SCN4B: variants seen among roughly 807,000 people sequenced by gnomAD.
SCN4B encodes sodium voltage-gated channel beta subunit 4.
Under a neutral mutation model 19.6 loss-of-function variants are expected in SCN4B, and 20 were observed. That is an observed-to-expected ratio of 1.02 (90% CI 0.72 to 1.48). SCN4B has a LOEUF of 1.48. Among genes scored for constraint, SCN4B ranks in the 40% most tolerant of loss-of-function variants. The pLI is 0.00. For synonymous variants in SCN4B, 127 were observed against 122.8 expected (o/e 1.03, Z -0.22); for missense variants, 271 against 287.5 (o/e 0.94, Z 0.42).
At chr11:118,142,328 T>C (rs925777651) in intron 3 of SCN4B, among the ~76,000 whole-genome samples, 1 of 152,220 alleles carries the variant, frequency 6.6e-6, no homozygotes, top group Non-Finnish European at 1.5e-5. Flanking sequence ...CGCATCTGCC[T>C]CAAGGCCTTT....
Position 118,134,849 on chromosome 11 carries a change from A to C in SCN4B, c.*2178T>G, listed in dbSNP as rs1324226804. The C allele has an allele frequency of 2.2e-6, 1 of 454,130 alleles. No individual in the cohort carries two copies. The highest frequency in any genetic ancestry group is 1.6e-5 in the South Asian group (1 of 64,482). The allele number at this position is 454,130 out of a possible 1,614,324, so 28.1% of individuals were successfully genotyped here. On this transcript the variant is annotated 3_prime_UTR_variant, in exon 5 of 5. Coordinates refer to ENST00000324727, the MANE Select transcript of SCN4B (RefSeq NM_174934.4). Reference sequence around the variant, plus strand: ...GACAAAACTTGCCAAGCCTCACAACAGTCCTGTGAGGTAGGTAAGTATTAT... The same window carrying C: ...GACAAAACTTGCCAAGCCTCACAACCGTCCTGTGAGGTAGGTAAGTATTAT...
At chr11:118,141,629 C>T (rs1948100751) in intron 3 of SCN4B, 1 of 479,764 alleles carries the variant, frequency 2.1e-6, no homozygotes, top group South Asian at 2.3e-5. Flanking sequence ...GAGCCTATAA[C>T]ACTCAAGTTT....
In SCN4B at chr11:118,134,166, G is replaced by C. The variant is rs189421608; in HGVS notation, c.*2861C>G. 138 of 454,200 alleles carry C rather than the reference G, an allele frequency of 3.0e-4. No homozygotes were observed. Among genetic ancestry groups the C allele is most frequent in the African/African-American group, 2.5e-3 (125 of 50,124 alleles). The allele number at this position is 454,200 out of a possible 1,614,324, so 28.1% of individuals were successfully genotyped here. On this transcript the variant is annotated 3_prime_UTR_variant, in exon 5 of 5. Transcript: ENST00000324727. ...CCTCTCTAACATCAGGGGTTTATTC[G>C]GGCTGCCTTCTGTTCAATTACGACA...
intron 1 of SCN4B, among the ~76,000 whole-genome samples, chr11:118,151,840 C>T (rs1948235626): frequency 6.6e-6 from 1 of 152,222 alleles, no homozygotes; most frequent in Non-Finnish European, 1.5e-5. Flanking sequence ...TGGAGTTTGA[C>T]ACTCAAAACT....
chr11:118,136,315 AG>A lies in SCN4B; in HGVS notation c.*711del, dbSNP rs1242147723. 2.0e-5 allele frequency: 9 copies of A among 453,710 alleles called. No individual in the cohort carries two copies. The highest frequency in any genetic ancestry group is 3.5e-5 in the Non-Finnish European group (8 of 226,692). 28.1% of individuals were successfully genotyped at this position (453,710 alleles called of 1,614,324 possible). ...GGAAGGCTCGAGGGGCCCCTTCCTGAGCCCCTCAGTAACCCAGAGAGCAGAG... is the reference window on the plus strand; with the variant it reads ...GGAAGGCTCGAGGGGCCCCTTCCTGACCCCTCAGTAACCCAGAGAGCAGAG... On this transcript the variant is annotated 3_prime_UTR_variant, in exon 5 of 5. Coordinates refer to ENST00000324727, the MANE Select transcript of SCN4B (RefSeq NM_174934.4).
Position 118,134,711 on chromosome 11 carries a change from T to C in SCN4B, c.*2316A>G, listed in dbSNP as rs1308915358. ...AAGAGAGAGAGAGTGTGTGTGTCTG[T>C]ATGTGGGTTGTAGAGATGGGACACA... is the stretch of plus-strand genomic sequence containing the variant. On this transcript the variant is annotated 3_prime_UTR_variant, in exon 5 of 5. Coordinates refer to ENST00000324727, the MANE Select transcript of SCN4B (RefSeq NM_174934.4). 8.8e-6 allele frequency: 4 copies of C among 453,922 alleles called. No individual in the cohort carries two copies. Among genetic ancestry groups the C allele is most frequent in the South Asian group, 1.6e-5 (1 of 64,464 alleles). 28.1% of individuals were successfully genotyped at this position (453,922 alleles called of 1,614,324 possible).
intron 4 of SCN4B, among the ~76,000 whole-genome samples, chr11:118,140,247 C>T (rs1480944458): frequency 2.0e-5 from 3 of 152,190 alleles, no homozygotes; most frequent in Non-Finnish European, 4.4e-5. Context: ...GGCAGACAAC[C>T]CTTGAGCTCT....
Position 118,133,456 on chromosome 11 carries a change from CTG to C in SCN4B, c.*3569_*3570del. The C allele has an allele frequency of 2.2e-6, 1 of 450,052 alleles. No homozygotes were observed. The highest frequency in any genetic ancestry group is 1.6e-5 in the South Asian group (1 of 64,382). The allele number at this position is 450,052 out of a possible 1,614,324, so 27.9% of individuals were successfully genotyped here. A position where few individuals can be genotyped will look rare whatever the true frequency, so the allele number is the denominator to read the frequency against. On this transcript the variant is annotated 3_prime_UTR_variant, in exon 5 of 5. Transcript: ENST00000324727. ...TGCAAAACTTGTTGTAGAGGCCAGA[CTG>C]ATTATATCCGTTCTGTGCTCGAACA...
rs1415378264 is a variant in SCN4B at position 118,141,190 on chromosome 11, G to A, written c.593+17C>T. On this transcript the variant is annotated intron_variant, in intron 4 of 4. Coordinates refer to ENST00000324727, the MANE Select transcript of SCN4B (RefSeq NM_174934.4). The stretch of plus-strand genomic sequence containing the variant: ...TGGGCTGCTGGGAGGACAGGAGTGT[G>A]CTCCAGATCAACTCACTTCTTCTCC... 5.0e-6 allele frequency: 8 copies of A among 1,612,614 alleles called. No individual in the cohort carries two copies. The African/African-American group carries it at 6.7e-5, about 13-fold the overall frequency.
Position 118,152,709 on chromosome 11 carries a change from G to A in SCN4B, c.-36C>T. On this transcript the variant is annotated 5_prime_UTR_variant, in exon 1 of 5. Coordinates refer to ENST00000324727, the MANE Select transcript of SCN4B (RefSeq NM_174934.4). ...TCTCCGGAGCGCGCGGGGGTCGCGG[G>A]GATGGGATACTGGGCACAGCCGCGC... 6.4e-7 allele frequency: 1 copy of A among 1,557,214 alleles called. No individual in the cohort carries two copies. The highest frequency in any genetic ancestry group is 8.8e-7 in the Non-Finnish European group (1 of 1,138,578).
chr11:118,139,908 C>CTTTTT (rs1172256719), intron 4 of SCN4B, among the ~76,000 whole-genome samples: 1 of 60,534 alleles, frequency 1.7e-5, no homozygotes, highest in African/African-American at 5.7e-5. Context: ...TTTCTTTTTT[C>CTTTTT]TTTTTTTTTT....
At chr11:118,137,425 C>A (rs1948031198) in intron 4 of SCN4B, among the ~76,000 whole-genome samples, 1 of 152,186 alleles carries the variant, frequency 6.6e-6, no homozygotes, top group Admixed American at 6.5e-5. Context: ...AATCCCAGCA[C>A]TTTGGGAGGC....
intron 1 of SCN4B, among the ~76,000 whole-genome samples, chr11:118,146,266 T>A (rs3018387): frequency 0.55 from 82,895 of 151,898 alleles, 22,868 homozygotes; most frequent in Middle Eastern, 0.67. Flanking sequence ...AAACTCCCGC[T>A]CCGGAGTCCT....
At chr11:118,140,494 C>T (rs981263761) in intron 4 of SCN4B, among the ~76,000 whole-genome samples, 1 of 152,220 alleles carries the variant, frequency 6.6e-6, no homozygotes, top group Non-Finnish European at 1.5e-5. Flanking sequence ...GGGAAGCCAT[C>T]TCGTCGCATC....
At position 118,133,552 on chromosome 11, in the gene SCN4B, G is replaced by T. The variant is rs571751141; in HGVS notation, c.*3475C>A. 4.9e-4 allele frequency: 221 copies of T among 454,396 alleles called. No homozygotes were observed. The highest frequency in any genetic ancestry group is 4.1e-3 in the African/African-American group (203 of 50,108). The allele number at this position is 454,396 out of a possible 1,614,324, so 28.1% of individuals were successfully genotyped here. On this transcript the variant is annotated 3_prime_UTR_variant, in exon 5 of 5. Transcript: ENST00000324727. ...ACTCGCACACCTGAGGCCTCCCAAG[G>T]CCTGTTGTTGCATCATTTGATCTAT... is the stretch of plus-strand genomic sequence containing the variant.
At chr11:118,139,543 C>CACAGTGCCTTGCAT (rs1948068471) in intron 4 of SCN4B, among the ~76,000 whole-genome samples, 1 of 25,368 alleles carries the variant, frequency 3.9e-5, no homozygotes, top group Non-Finnish European at 8.9e-5. Context: ...TAGCATCTGG[C>CACAGTGCCTTGCAT]ACAGTGCCTC....
intron 4 of SCN4B, 81 bp from the exon 5 acceptor site, chr11:118,137,201 GCAC>G: frequency 2.9e-6 from 3 of 1,034,016 alleles, no homozygotes; most frequent in Non-Finnish European, 4.5e-6. Flanking sequence ...CGTGGGCCCT[GCAC>G]CCAGCCCTGT....
At chr11:118,151,797 T>C (rs1445175600) in intron 1 of SCN4B, among the ~76,000 whole-genome samples, 2 of 152,208 alleles carry the variant, frequency 1.3e-5, no homozygotes, top group African/African-American at 4.8e-5. Flanking sequence ...GGAGATTACA[T>C]CCTGGATGAA....
At position 118,136,097 on chromosome 11, in the gene SCN4B, G is replaced by A. The variant is rs962953486; in HGVS notation, c.*930C>T. 3.6e-5 allele frequency: 16 copies of A among 449,074 alleles called. No individual in the cohort carries two copies. Among genetic ancestry groups the A allele is most frequent in the African/African-American group, 3.0e-4 (15 of 49,652 alleles). The allele number at this position is 449,074 out of a possible 1,614,324, so 27.8% of individuals were successfully genotyped here. A position where few individuals can be genotyped will look rare whatever the true frequency, so the allele number is the denominator to read the frequency against. ...GGTGCAGCCTCTCAGGTAGGAGGGG[G>A]AGAAGCAGGGGAGAGCTGGGCTCAG... On this transcript the variant is annotated 3_prime_UTR_variant, in exon 5 of 5. Coordinates refer to ENST00000324727, the MANE Select transcript of SCN4B (RefSeq NM_174934.4).
Sources: gnomAD v4.1 joint callset for allele counts (sites outside exome capture counted in the v4.1 genomes callset) on GRCh38, gnomAD v4.1.1 for gene constraint, MANE v1.5 for transcripts, NCBI Gene and HGNC (gene_info 2026-07-23, HGNC 2026-07-21) for gene names.